Variants in NLRC4 observed in about 807,000 individuals in gnomAD.
NLRC4 encodes NLR family CARD domain containing 4, also known as NLR family CARD domain-containing protein 4.
A neutral mutation model predicts 79.9 loss-of-function variants in NLRC4; 63 were observed. The ratio of observed to expected loss-of-function variants is 0.79; its 90% confidence interval spans 0.64 to 0.97. The LOEUF (loss-of-function observed/expected upper bound fraction) is 0.97. Among genes scored for constraint, NLRC4 ranks in the 50% least tolerant of loss-of-function variants. The pLI, the probability that NLRC4 is intolerant of heterozygous loss-of-function variation, is 0.00. For synonymous variants in NLRC4, 461 were observed against 456.5 expected (o/e 1.01, Z -0.12); for missense variants, 1,074 against 1,215.2 (o/e 0.88, Z 1.73).
intron 8 of NLRC4, among the ~76,000 whole-genome samples, chr2:32,228,877 C>T (rs559165094): frequency 2.6e-5 from 4 of 151,978 alleles, no homozygotes; most frequent in African/African-American, 9.6e-5. Context: ...AGTGATCCTG[C>T]CAACTCAGCT....
intron 4 of NLRC4, among the ~76,000 whole-genome samples, chr2:32,246,479 G>T (rs1050740702): frequency 6.6e-6 from 1 of 152,214 alleles, no homozygotes; most frequent in African/African-American, 2.4e-5. Flanking sequence ...TCTCTGTAGG[G>T]TGACAAGCAA....
intron 8 of NLRC4, among the ~76,000 whole-genome samples, chr2:32,233,198 G>GGA (rs1686587727): frequency 1.9e-5 from 2 of 105,602 alleles, no homozygotes; most frequent in Non-Finnish European, 3.9e-5. Flanking sequence ...GGAAGGAAGG[G>GGA]AGGGAGGGAA....
intron 4 of NLRC4, among the ~76,000 whole-genome samples, chr2:32,242,876 A>G (rs1386761737): frequency 6.6e-6 from 1 of 151,754 alleles, no homozygotes; most frequent in African/African-American, 2.4e-5. Flanking sequence ...TCCAGACCCT[A>G]TCCCTACAAA....
intron 3 of NLRC4, 39 bp downstream of exon 3, chr2:32,252,380 C>T (rs1448071215): frequency 2.5e-5 from 38 of 1,501,356 alleles, no homozygotes; most frequent in Admixed American, 6.7e-5. Context: ...GTGGTCTATT[C>T]TACTTGCAGA....
chr2:32,241,060 T>G lies in NLRC4; in HGVS notation c.2323A>C (p.Met775Leu). 1 of 1,606,462 alleles carries G rather than the reference T, an allele frequency of 6.2e-7. No individual in the cohort carries two copies. The highest frequency in any genetic ancestry group is 1.1e-5 in the South Asian group (1 of 90,748). Residue 775 changes from methionine (M) to leucine (L), a missense_variant, in exon 5 of 9, where the codon ATG becomes CTG. Met to Leu is a conservative substitution (Grantham distance 15). Coordinates refer to ENST00000402280, the MANE Select transcript of NLRC4 (RefSeq NM_001199138.2). ...AGTTTTATAGCATCTTCTTCATTCA[T>G]CTTTATGTTATCCATTATGAGCTTT... ...LTKLIMDNIKMNEEDAIKLAE... is the reference protein window; with the variant it reads ...LTKLIMDNIKLNEEDAIKLAE...
At position 32,262,118 on chromosome 2, in the gene NLRC4, T is replaced by C. The variant is rs77715165; in HGVS notation, c.-119+2620A>G. On this transcript the variant is annotated intron_variant, in intron 1 of 8. Transcript: ENST00000402280. Reference sequence around the variant, plus strand: ...AAAGAAAGAAAGAAAAGAAAAGAAATTGGGGCAGCTCAGGAGCTTAAGCAA... The same window carrying C: ...AAAGAAAGAAAGAAAAGAAAAGAAACTGGGGCAGCTCAGGAGCTTAAGCAA... Among the ~76,000 whole-genome samples the C allele has an allele frequency of 6.0e-3, 914 of 151,702 alleles. 11 individuals carry two copies. Among genetic ancestry groups the C allele is most frequent in the African/African-American group, 0.021 (856 of 41,346 alleles).
chr2:32,247,852 T>G (rs1424467380), intron 4 of NLRC4, among the ~76,000 whole-genome samples: 1 of 151,754 alleles, frequency 6.6e-6, no homozygotes, highest in African/African-American at 2.4e-5. Flanking sequence ...AATGAAATCA[T>G]GTCTTTTGCA....
chr2:32,234,879 T>A (rs1686635152), intron 8 of NLRC4, among the ~76,000 whole-genome samples: 1 of 152,238 alleles, frequency 6.6e-6, no homozygotes, highest in Non-Finnish European at 1.5e-5. Context: ...TGAGGCCATA[T>A]GTTATACAGG....
rs201587008 is a variant in NLRC4 at position 32,252,473 on chromosome 2, G to A, written c.208C>T (p.Leu70Phe). The A allele has an allele frequency of 1.0e-4, 169 of 1,611,766 alleles. 1 individual carries two copies. The East Asian group carries it at 3.7e-3, about 35-fold the overall frequency. The stretch of plus-strand genomic sequence containing the variant: ...TAGTTCCACTCCTTAAGGGATTTAA[G>A]AAAGAGGTTACAGGACTCTGAACCC... ...KKGSESCNLF[L>F]KSLKEWNYPL... The change falls in exon 3 of 9, where the codon CTT (leucine) becomes TTT (phenylalanine). Residue 70 changes from leucine to phenylalanine, a missense_variant. Transcript: ENST00000402280.
chr2:32,233,351 T>TATATATATATA (rs1448102690), intron 8 of NLRC4, among the ~76,000 whole-genome samples: 5 of 22,600 alleles, frequency 2.2e-4, no homozygotes, highest in Admixed American at 5.9e-4. Flanking sequence ...ATATATATAT[T>TATATATATATA]TTTTTTTTTT....
intron 8 of NLRC4, among the ~76,000 whole-genome samples, chr2:32,228,268 A>G (rs1686450038): frequency 6.6e-6 from 1 of 152,174 alleles, no homozygotes; most frequent in Non-Finnish European, 1.5e-5. Context: ...AACACTTGCA[A>G]TTGGGCTTAT....
rs995003605 is a variant in NLRC4, at chr2:32,264,843, T to G, written c.-224A>C. 6.6e-6 allele frequency: 1 copy of G among 152,070 alleles called. No homozygotes were observed. The highest frequency in any genetic ancestry group is 1.5e-5 in the Non-Finnish European group (1 of 68,026). 9.4% of individuals were successfully genotyped at this position (152,070 alleles called of 1,614,324 possible). A position where few individuals can be genotyped will look rare whatever the true frequency, so the allele number is the denominator to read the frequency against. ...GTTTCAGTGAGGCCTCGAGTTCTTG[T>G]AGACCAGATACCTTCTTGTTCTGTG... On this transcript the variant is annotated 5_prime_UTR_variant, in exon 1 of 9. Transcript: ENST00000402280.
chr2:32,264,378 G>C (rs1465280150), intron 1 of NLRC4, among the ~76,000 whole-genome samples: 1 of 147,752 alleles, frequency 6.8e-6, no homozygotes, highest in Non-Finnish European at 1.5e-5. Flanking sequence ...AGGTTGCAGT[G>C]AGCCGAGATC....
At chr2:32,228,543 C>T (rs796793686) in intron 8 of NLRC4, among the ~76,000 whole-genome samples, 4 of 152,138 alleles carry the variant, frequency 2.6e-5, no homozygotes, top group Non-Finnish European at 4.4e-5. Flanking sequence ...CAAAACAACT[C>T]CCAAAGAAAT....
intron 4 of NLRC4, among the ~76,000 whole-genome samples, chr2:32,245,604 ATAAC>A (rs1330393027): frequency 6.6e-6 from 1 of 152,204 alleles, no homozygotes; most frequent in East Asian, 1.9e-4. Flanking sequence ...TATATTTAAA[ATAAC>A]TAACAGTACA....
chr2:32,257,705 A>G (rs1335326609), intron 1 of NLRC4, among the ~76,000 whole-genome samples: 2 of 151,130 alleles, frequency 1.3e-5, no homozygotes, highest in African/African-American at 4.9e-5. Context: ...CTTGCAGGTG[A>G]GAGGATGAGA....
At position 32,252,653 on chromosome 2, in the gene NLRC4, C is replaced by A. The variant is rs1687107148; in HGVS notation, c.28G>T (p.Ala10Ser). The A allele has an allele frequency of 6.2e-7, 1 of 1,613,474 alleles. No homozygotes were observed. The highest frequency in any genetic ancestry group is 1.7e-5 in the Admixed American group (1 of 60,030). Reference sequence around the variant, plus strand: ...GTCATTCCCATTCTTTGAATAAGGGCTCGGCTATTGTCCTTTATGAAATTC... The same window carrying A: ...GTCATTCCCATTCTTTGAATAAGGGATCGGCTATTGTCCTTTATGAAATTC... MNFIKDNSR[A>S]LIQRMGMTVI... Residue 10 changes from alanine (A) to serine (S), a missense_variant, in exon 3 of 9, where the codon GCC (alanine) becomes TCC (serine). Transcript: ENST00000402280.
At chr2:32,238,074 A>T in intron 6 of NLRC4, 58 bp downstream of exon 6, 1 of 1,271,080 alleles carries the variant, frequency 7.9e-7, no homozygotes, top group Non-Finnish European at 1.1e-6. Context: ...GAATTAGTAT[A>T]ATAGTATCAC....
Position 32,251,510 on chromosome 2 carries a change from A to G in NLRC4, c.354T>C (p.Tyr118=), listed in dbSNP as rs780725065. The G allele has an allele frequency of 1.2e-6, 2 of 1,614,112 alleles. No homozygotes were observed. Among genetic ancestry groups the G allele is most frequent in the East Asian group, 2.2e-5 (1 of 44,878 alleles). Residue 118 remains tyrosine (Y), a synonymous_variant, in exon 4 of 9, where the codon TAT becomes TAC. Coordinates refer to ENST00000402280, the MANE Select transcript of NLRC4 (RefSeq NM_001199138.2). ...TAATGTCAATATCTTCACCAAGGGG[A>G]TAAAAGTTCAGAAAAGATGGGGTAT... is the stretch of plus-strand genomic sequence containing the variant. ...LYHTPSFLNF[Y]PLGEDIDIIF... is the part of the protein sequence containing the mutation.
Sources: allele counts gnomAD v4.1 joint callset (sites outside exome capture counted in the v4.1 genomes callset), GRCh38; gene constraint gnomAD v4.1.1; transcripts MANE v1.5; gene names NCBI Gene and HGNC (gene_info 2026-07-23, HGNC 2026-07-21).